Variants in SPPL2A observed in about 807,000 individuals in gnomAD.
SPPL2A encodes signal peptide peptidase like 2A, also known as signal peptide peptidase-like 2A.
Under a neutral mutation model 63.8 loss-of-function variants are expected in SPPL2A, and 51 were observed. The observed-to-expected ratio is 0.80, with a 90% confidence interval of 0.64 to 1.01. The LOEUF is 1.01. Ranked by LOEUF, SPPL2A falls within the 50% of genes least tolerant of loss-of-function variation. The probability of loss-of-function intolerance (pLI) is 0.00; values close to 1 mark genes in which losing one functional copy is unlikely to be tolerated. For missense variants in SPPL2A, 553 were observed against 622.7 expected, an observed-to-expected ratio of 0.89 and a Z score of 1.19; for synonymous variants, 188 against 205.8, an observed-to-expected ratio of 0.91 and a Z score of 0.74.
intron 14 of SPPL2A, among the ~76,000 whole-genome samples, chr15:50,712,096 T>C (rs2062563500): frequency 6.6e-6 from 1 of 152,208 alleles, no homozygotes; most frequent in Non-Finnish European, 1.5e-5. Context: ...ATAAAGACTT[T>C]CAATAACATT....
rs550146295 is a variant in SPPL2A, at chr15:50,725,864, T to C, written c.1146+457A>G. The C allele has an allele frequency of 2.2e-5, 6 of 270,974 alleles. No homozygotes were observed. In the East Asian group the frequency reaches 5.1e-4, roughly 23 times the overall value. The allele number at this position is 270,974 out of a possible 1,614,324, so 16.8% of individuals were successfully genotyped here. On this transcript the variant is annotated intron_variant, in intron 11 of 14. Transcript: ENST00000261854. Reference sequence around the variant, plus strand: ...TTTTGAAAAAAATGCTCAACACACATGTAGGATTAACAGTATTAACCAAGT... The same window carrying C: ...TTTTGAAAAAAATGCTCAACACACACGTAGGATTAACAGTATTAACCAAGT...
At chr15:50,717,438 G>A (rs1293969252) in intron 14 of SPPL2A, among the ~76,000 whole-genome samples, 2 of 152,290 alleles carry the variant, frequency 1.3e-5, no homozygotes, top group East Asian at 3.9e-4. Context: ...CTCCCAAAGT[G>A]CTGCAATTAT....
chr15:50,758,092 T>C (rs1439507635), intron 1 of SPPL2A, among the ~76,000 whole-genome samples: 2 of 143,204 alleles, frequency 1.4e-5, no homozygotes, highest in African/African-American at 5.2e-5. Context: ...GTCGAGACCA[T>C]CCTGGCTAAC....
chr15:50,727,467 C>T (rs2062695445), intron 10 of SPPL2A, among the ~76,000 whole-genome samples: 1 of 152,186 alleles, frequency 6.6e-6, no homozygotes, highest in African/African-American at 2.4e-5. Context: ...GTTGTGATAA[C>T]ATTTCCAGAT....
chr15:50,745,748 G>T (rs1417758426), intron 5 of SPPL2A, among the ~76,000 whole-genome samples: 1 of 151,890 alleles, frequency 6.6e-6, no homozygotes, highest in Non-Finnish European at 1.5e-5. Context: ...ATGTTGCCAA[G>T]GCTAGAAAAT....
At chr15:50,763,879 C>T (rs2063034793) in intron 1 of SPPL2A, among the ~76,000 whole-genome samples, 1 of 152,008 alleles carries the variant, frequency 6.6e-6, no homozygotes, top group Non-Finnish European at 1.5e-5. Context: ...GCCTGGGCGA[C>T]AGAGTGAGAC....
At chr15:50,716,886 C>G (rs997677379) in intron 14 of SPPL2A, among the ~76,000 whole-genome samples, 1 of 152,162 alleles carries the variant, frequency 6.6e-6, no homozygotes, top group Admixed American at 6.6e-5. Flanking sequence ...GCACATCAGA[C>G]CTATTTATTC....
At chr15:50,715,719 A>G (rs2062594796) in intron 14 of SPPL2A, among the ~76,000 whole-genome samples, 1 of 152,228 alleles carries the variant, frequency 6.6e-6, no homozygotes, top group Admixed American at 6.5e-5. Context: ...GATACAAAAA[A>G]GAAAAATTAC....
chr15:50,714,078 C>T (rs2062581334), intron 14 of SPPL2A, among the ~76,000 whole-genome samples: 1 of 152,182 alleles, frequency 6.6e-6, no homozygotes, highest in Non-Finnish European at 1.5e-5. Context: ...ATGCTCTTTA[C>T]TTCTATGGGT....
intron 1 of SPPL2A, among the ~76,000 whole-genome samples, chr15:50,751,966 G>A (rs2062910578): frequency 6.6e-6 from 1 of 152,036 alleles, no homozygotes; most frequent in South Asian, 2.1e-4. Flanking sequence ...GAGTAGCTGG[G>A]ATTATAGGTG....
At chr15:50,742,264 G>T (rs2062827337) in intron 5 of SPPL2A, among the ~76,000 whole-genome samples, 1 of 152,028 alleles carries the variant, frequency 6.6e-6, no homozygotes, top group African/African-American at 2.4e-5. Context: ...ACAAAAATTA[G>T]CTGGGCATGG....
Position 50,706,492 on chromosome 15 carries a change from C to T in SPPL2A, c.*1308G>A, listed in dbSNP as rs1191008238. 1 of 151,216 alleles carries T rather than the reference C, an allele frequency of 6.6e-6. No homozygotes were observed. Among genetic ancestry groups the T allele is most frequent in the Non-Finnish European group, 1.5e-5 (1 of 67,890 alleles). 9.4% of individuals were successfully genotyped at this position (151,216 alleles called of 1,614,324 possible). ...ATTGTAATTAAACTGAGACTAACACCAAGTCTCTTGCTGTTGTTGCCAATT... is the reference window on the plus strand; with the variant it reads ...ATTGTAATTAAACTGAGACTAACACTAAGTCTCTTGCTGTTGTTGCCAATT... On this transcript the variant is annotated 3_prime_UTR_variant, in exon 15 of 15. Coordinates refer to ENST00000261854, the MANE Select transcript of SPPL2A (RefSeq NM_032802.4).
chr15:50,721,209 T>G (rs1163787922), intron 13 of SPPL2A, among the ~76,000 whole-genome samples: 1 of 151,726 alleles, frequency 6.6e-6, no homozygotes, highest in Non-Finnish European at 1.5e-5. Context: ...ACTTTTTGTA[T>G]TTTTAGTAGA....
intron 10 of SPPL2A, among the ~76,000 whole-genome samples, chr15:50,728,455 T>C (rs2062703588): frequency 6.7e-6 from 1 of 149,642 alleles, no homozygotes; most frequent in Non-Finnish European, 1.5e-5. Flanking sequence ...GCCATTCTCC[T>C]GCCTCAGCCA....
At chr15:50,735,579 G>A (rs1176490985) in intron 8 of SPPL2A, among the ~76,000 whole-genome samples, 2 of 151,500 alleles carry the variant, frequency 1.3e-5, no homozygotes, top group Admixed American at 1.3e-4. Context: ...ATTTTTTTGA[G>A]ATAGAGTTTC....
At chr15:50,738,494 A>G (rs1458603654) in intron 6 of SPPL2A, among the ~76,000 whole-genome samples, 1 of 151,422 alleles carries the variant, frequency 6.6e-6, no homozygotes, top group East Asian at 1.9e-4. Flanking sequence ...GGTTGCAGTG[A>G]GCCAAGACTG....
chr15:50,726,240 G>T (rs766686315), intron 11 of SPPL2A, 81 bp downstream of exon 11: 182 of 1,507,874 alleles, frequency 1.2e-4, no homozygotes, highest in Non-Finnish European at 1.6e-4. Flanking sequence ...TGTGGCCAGT[G>T]AATTACACAG....
chr15:50,705,505 T>C lies in SPPL2A; in HGVS notation c.*2295A>G, dbSNP rs1266349746. 6.6e-6 allele frequency: 1 copy of C among 152,160 alleles called. No individual in the cohort carries two copies. The highest frequency in any genetic ancestry group is 2.4e-5 in the African/African-American group (1 of 41,440). The allele number at this position is 152,160 out of a possible 1,614,324, so 9.4% of individuals were successfully genotyped here. The stretch of plus-strand genomic sequence containing the variant: ...TATTTTGGCAAATATTTTATTATTA[T>C]AAATGAAAATACAGAGTTTTAAAAC... On this transcript the variant is annotated 3_prime_UTR_variant, in exon 15 of 15. Transcript: ENST00000261854.
At position 50,706,596 on chromosome 15, in the gene SPPL2A, G is replaced by A. The variant is rs2062511591; in HGVS notation, c.*1204C>T. ...CTATGGGAAAAGGGGTGGGCATCAG[G>A]AAGAAAAAAAGATAACGGGTGGGAG... On this transcript the variant is annotated 3_prime_UTR_variant, in exon 15 of 15. Transcript: ENST00000261854. The A allele has an allele frequency of 6.6e-6, 1 of 151,728 alleles. No homozygotes were observed. The highest frequency in any genetic ancestry group is 2.1e-4 in the South Asian group (1 of 4,808). The allele number at this position is 151,728 out of a possible 1,614,324, so 9.4% of individuals were successfully genotyped here.
Sources: allele counts gnomAD v4.1 joint callset (sites outside exome capture counted in the v4.1 genomes callset), GRCh38; gene constraint gnomAD v4.1.1; transcripts MANE v1.5; gene names NCBI Gene and HGNC (gene_info 2026-07-23, HGNC 2026-07-21).